Variants in TRAPPC12 observed in about 807,000 individuals in gnomAD.
TRAPPC12 encodes the protein TPR repeat protein 15.
Under a neutral mutation model 69.2 loss-of-function variants are expected in TRAPPC12, and 61 were observed. The observed-to-expected ratio is 0.88, with a 90% CI of 0.72 to 1.09. The LOEUF is 1.09. TRAPPC12 is among the 50% of genes least tolerant of loss of function. The probability of loss-of-function intolerance (pLI) is 0.00; values close to 1 mark genes in which losing one functional copy is unlikely to be tolerated. For missense variants in TRAPPC12, 1,101 were observed against 1,016.4 expected (o/e 1.08, Z -1.13); for synonymous variants, 469 against 438.9 (o/e 1.07, Z -0.86).
At chr2:3,403,473 C>T (rs538299459) in intron 3 of TRAPPC12, among the ~76,000 whole-genome samples, 4 of 152,272 alleles carry the variant, frequency 2.6e-5, no homozygotes, top group East Asian at 1.9e-4. Context: ...TCAGGTGATC[C>T]GCCTGCCTCA....
chr2:3,382,860 G>C (rs1660284663), intron 1 of TRAPPC12, among the ~76,000 whole-genome samples: 1 of 152,236 alleles, frequency 6.6e-6, no homozygotes, highest in South Asian at 2.1e-4. Context: ...AGAAGATCGA[G>C]GCTGCAGTAA....
intron 9 of TRAPPC12, chr2:3,466,539 T>G (rs943802267): frequency 7.6e-6 from 3 of 396,690 alleles, no homozygotes; most frequent in Non-Finnish European, 1.6e-5. Flanking sequence ...GAACAGGGCC[T>G]CTGTGAACTC....
chr2:3,431,673 T>C (rs1311099342), intron 5 of TRAPPC12, among the ~76,000 whole-genome samples: 1 of 152,206 alleles, frequency 6.6e-6, no homozygotes, highest in Non-Finnish European at 1.5e-5. Flanking sequence ...TGAAAAGTGT[T>C]GATAGGGATT....
At chr2:3,422,214 C>T (rs994822037) in intron 4 of TRAPPC12, among the ~76,000 whole-genome samples, 3 of 152,214 alleles carry the variant, frequency 2.0e-5, no homozygotes, top group African/African-American at 7.2e-5. Flanking sequence ...CAAGTGCCCA[C>T]ACTCAGTCTC....
chr2:3,446,148 C>G (rs1359078408), intron 6 of TRAPPC12, among the ~76,000 whole-genome samples: 1 of 152,228 alleles, frequency 6.6e-6, no homozygotes, highest in Non-Finnish European at 1.5e-5. Flanking sequence ...TTCCACCTGC[C>G]TCTCATCTTG....
intron 3 of TRAPPC12, among the ~76,000 whole-genome samples, chr2:3,407,269 T>C (rs1661782523): frequency 6.6e-6 from 1 of 152,240 alleles, no homozygotes; most frequent in African/African-American, 2.4e-5. Context: ...TTTATTAGAC[T>C]ATTTTTCTCA....
At chr2:3,464,138 C>CCA (rs746050817) in intron 8 of TRAPPC12, among the ~76,000 whole-genome samples, 3 of 148,650 alleles carry the variant, frequency 2.0e-5, no homozygotes, top group East Asian at 4.4e-4. Flanking sequence ...ACACACACGT[C>CCA]CACACACACA....
chr2:3,465,733 T>A, intron 9 of TRAPPC12, 38 bp downstream of exon 9: 1 of 1,422,890 alleles, frequency 7.0e-7, no homozygotes, highest in Non-Finnish European at 9.9e-7. Context: ...AGAAAGGCCT[T>A]ATGATAGTTC....
chr2:3,417,365 C>T (rs1385128724), intron 3 of TRAPPC12, among the ~76,000 whole-genome samples: 11 of 152,162 alleles, frequency 7.2e-5, no homozygotes, highest in Non-Finnish European at 7.3e-5. Context: ...CTCCTCCTGC[C>T]GGGCCAGGTG....
intron 2 of TRAPPC12, chr2:3,389,621 G>A (rs1660709260): frequency 4.3e-6 from 2 of 469,802 alleles, no homozygotes; most frequent in Non-Finnish European, 8.8e-6. Flanking sequence ...CTCTAAACGG[G>A]CGCATTAACA....
At chr2:3,472,993 C>G (rs543161682) in intron 9 of TRAPPC12, among the ~76,000 whole-genome samples, 2 of 152,206 alleles carry the variant, frequency 1.3e-5, no homozygotes, top group Admixed American at 1.3e-4. Context: ...TGCTAAGACA[C>G]CGAGGGCGGG....
intron 9 of TRAPPC12, among the ~76,000 whole-genome samples, chr2:3,474,708 C>T (rs1666226020): frequency 6.6e-6 from 1 of 152,180 alleles, no homozygotes; most frequent in African/African-American, 2.4e-5. Flanking sequence ...TGGCTGTTTT[C>T]TGTCTTCATA....
intron 3 of TRAPPC12, among the ~76,000 whole-genome samples, chr2:3,405,697 A>T (rs1412848328): frequency 6.6e-6 from 1 of 152,162 alleles, no homozygotes; most frequent in African/African-American, 2.4e-5. Context: ...TTAACCATTT[A>T]TGGGATTTAC....
intron 4 of TRAPPC12, among the ~76,000 whole-genome samples, chr2:3,423,663 G>A (rs1332379278): frequency 6.6e-6 from 1 of 152,108 alleles, no homozygotes; most frequent in Non-Finnish European, 1.5e-5. Flanking sequence ...CAGCACAAAC[G>A]ACGGGATTTC....
chr2:3,396,632 T>C (rs1661149299), intron 2 of TRAPPC12, among the ~76,000 whole-genome samples: 1 of 152,204 alleles, frequency 6.6e-6, no homozygotes, highest in South Asian at 2.1e-4. Flanking sequence ...TTTGTGTTTT[T>C]ATTTTGCAGT....
intron 3 of TRAPPC12, among the ~76,000 whole-genome samples, chr2:3,417,998 G>A (rs1361649668): frequency 2.1e-5 from 3 of 142,130 alleles, no homozygotes; most frequent in Non-Finnish European, 4.5e-5. Context: ...AGTCGAGATC[G>A]TGCCACCGCA....
chr2:3,406,555 G>A (rs1197254901), intron 3 of TRAPPC12, among the ~76,000 whole-genome samples: 1 of 152,226 alleles, frequency 6.6e-6, no homozygotes, highest in Non-Finnish European at 1.5e-5. Flanking sequence ...GAGAGAGATG[G>A]AGATACTCTT....
At chr2:3,462,148 G>A (rs758191222) in intron 8 of TRAPPC12, among the ~76,000 whole-genome samples, 1 of 152,194 alleles carries the variant, frequency 6.6e-6, no homozygotes, top group African/African-American at 2.4e-5. Context: ...TTCCACTGGC[G>A]GGCTTTCATT....
chr2:3,477,019 C>T (rs1210313380), intron 9 of TRAPPC12, among the ~76,000 whole-genome samples: 1 of 152,206 alleles, frequency 6.6e-6, no homozygotes, highest in Non-Finnish European at 1.5e-5. Context: ...CCCTTCCTTA[C>T]ACTTCTAGAG....
Sources: gnomAD v4.1 joint callset for allele counts (sites outside exome capture counted in the v4.1 genomes callset) on GRCh38, gnomAD v4.1.1 for gene constraint, MANE v1.5 for transcripts, NCBI Gene and HGNC (gene_info 2026-07-23, HGNC 2026-07-21) for gene names.